The following ZNF454 variants were observed in gnomAD, a reference collection of about 807,000 sequenced individuals.
The protein encoded by ZNF454 is zinc finger protein 454.
In ZNF454, 30 loss-of-function variants were observed where a neutral mutation model predicts 48.2. That is an observed-to-expected ratio of 0.62 (90% CI 0.47 to 0.84). The LOEUF is 0.84. ZNF454 is among the 40% of genes least tolerant of loss of function. The probability of loss-of-function intolerance (pLI) is 0.00; values close to 1 mark genes in which losing one functional copy is unlikely to be tolerated. For missense variants in ZNF454, 510 were observed against 623.1 expected (o/e 0.82, Z 1.93); for synonymous variants, 204 against 211.4 (o/e 0.97, Z 0.30).
chr5:178,967,736 C>CTT (rs1760184573), downstream of ZNF454, among the ~76,000 whole-genome samples: 1 of 67,856 alleles, frequency 1.5e-5, no homozygotes, highest in Non-Finnish European at 3.2e-5. Context: ...TTTTCTTTTT[C>CTT]TTTTTCTTTT....
chr5:178,982,794 A>T, the ZNF454 span: 1 of 747,032 alleles, frequency 1.3e-6, no homozygotes, highest in South Asian at 1.5e-5. Flanking sequence ...GAGTGAATGA[A>T]CAAGCAGCCA....
At position 178,954,310 on chromosome 5, in the gene ZNF454, A is replaced by C. The variant is rs1265368065; in HGVS notation, c.250+7324A>C. Among the ~76,000 whole-genome samples, 4 of 152,014 alleles carry C rather than the reference A, an allele frequency of 2.6e-5. No individual in the cohort carries two copies. In the East Asian group the frequency reaches 7.8e-4, roughly 30 times the overall value. On this transcript the variant is annotated intron_variant, in intron 4 of 4. Coordinates refer to ENST00000519564, the MANE Select transcript of ZNF454 (RefSeq NM_001178089.3). ...TAAAAAAATAAAAATAAATAAGTAA[A>C]ATAAAATTCCTGCCCATTGACTCTA...
intron 4 of ZNF454, among the ~76,000 whole-genome samples, chr5:178,952,192 T>C (rs1365715094): frequency 5.9e-5 from 9 of 152,084 alleles, no homozygotes; most frequent in Non-Finnish European, 7.4e-5. Context: ...CGCCCGCCAC[T>C]GCTCCCGGCT....
At chr5:178,986,531 G>C in the ZNF454 span, 1 of 1,608,260 alleles carries the variant, frequency 6.2e-7, no homozygotes, top group Non-Finnish European at 8.5e-7. Context: ...CGCACCACAG[G>C]TGTGGGGCGG....
chr5:178,985,379 G>A, the ZNF454 span: 1 of 389,390 alleles, frequency 2.6e-6, no homozygotes, highest in Non-Finnish European at 5.0e-6. Context: ...TCACAGGAGG[G>A]GAGGGGCTCC....
the ZNF454 span, chr5:178,978,713 CAT>C: frequency 6.6e-6 from 1 of 152,184 alleles, no homozygotes; most frequent in Non-Finnish European, 1.5e-5. Flanking sequence ...TTCACTGGAA[CAT>C]ATAATTCATA....
intron 1 of ZNF454, chr5:178,942,393 G>A (rs1759137017): frequency 1.8e-5 from 3 of 165,572 alleles, no homozygotes; most frequent in Non-Finnish European, 2.6e-5. Flanking sequence ...GTGACAGAGC[G>A]AGACTCTGTC....
chr5:178,983,289 G>C, the ZNF454 span: 1 of 1,357,536 alleles, frequency 7.4e-7, no homozygotes, highest in South Asian at 1.2e-5. Context: ...CCCTGACAGA[G>C]GCCCCTGCGG....
At chr5:178,971,068 A>G (rs1406844885), downstream of ZNF454, among the ~76,000 whole-genome samples, 2 of 152,232 alleles carry the variant, frequency 1.3e-5, no homozygotes, top group African/African-American at 4.8e-5. Context: ...TCATTCATTT[A>G]ATCCTCACAA....
the ZNF454 span, chr5:178,985,206 A>C: frequency 4.4e-6 from 2 of 452,432 alleles, no homozygotes; most frequent in Non-Finnish European, 8.9e-6. Flanking sequence ...TAGCTCTTTG[A>C]CCTGTTTCCA....
Position 178,964,943 on chromosome 5 carries a change from G to A in ZNF454, c.539G>A (p.Cys180Tyr), listed in dbSNP as rs1458887401. ...GFQPSKNAFE[C>Y]SECGKVFSKS... ...CAACCTAGCAAAAATGCCTTTGAGT[G>A]TAGTGAGTGTGGAAAAGTCTTCTCT... Residue 180 changes from cysteine (C) to tyrosine (Y), a missense_variant, in exon 5 of 5, where the codon TGT (cysteine) becomes TAT (tyrosine). This residue lies in a region of ZNF454 where 354 missense variants were observed against 408.9 expected (regional missense o/e 0.87). Transcript: ENST00000519564. The A allele has an allele frequency of 1.2e-6, 2 of 1,614,090 alleles. No individual in the cohort carries two copies. The highest frequency in any genetic ancestry group is 2.2e-5 in the East Asian group (1 of 44,900).
intron 4 of ZNF454, among the ~76,000 whole-genome samples, chr5:178,947,386 A>G (rs1249569348): frequency 2.0e-5 from 3 of 152,336 alleles, no homozygotes; most frequent in Non-Finnish European, 4.4e-5. Flanking sequence ...GCCAGTTATC[A>G]TGTGCCCACA....
chr5:178,965,681 C>T lies in ZNF454; in HGVS notation c.1277C>T (p.Ala426Val). ...GAGAAAGCCTTTCGGGACCAATCAG[C>T]ACTAGCCCAACATCAGAGAATTCAT... The part of the protein sequence containing the change: ...LCEKAFRDQS[A>V]LAQHQRIHTG... The change falls in exon 5 of 5, where the codon GCA becomes GTA. Residue 426 changes from alanine (A) to valine (V), a missense_variant. This residue lies in a region of ZNF454 where 153 missense variants were observed against 195.8 expected (regional missense o/e 0.78). Transcript: ENST00000519564. This position sits in a 1 kb window ranked among gnomAD's most constrained non-coding sequence, Gnocchi z 5.2. The T allele has an allele frequency of 6.2e-7, 1 of 1,614,108 alleles. No homozygotes were observed. The highest frequency in any genetic ancestry group is 8.5e-7 in the Non-Finnish European group (1 of 1,180,032).
In ZNF454 at chr5:178,965,661, A is replaced by G; in HGVS notation, c.1257A>G (p.Lys419=). 6.2e-7 allele frequency: 1 copy of G among 1,614,208 alleles called. No homozygotes were observed. Among genetic ancestry groups the G allele is most frequent in the Non-Finnish European group, 8.5e-7 (1 of 1,180,038 alleles). The part of the protein sequence containing the change: ...EKPYRCGLCE[K]AFRDQSALAQ... ...CTTACAGATGTGGCTTGTGTGAGAA[A>G]GCCTTTCGGGACCAATCAGCACTAG... is the stretch of plus-strand genomic sequence containing the variant. Residue 419 remains lysine, a synonymous_variant, in exon 5 of 5, where the codon AAA becomes AAG. Transcript: ENST00000519564. This position sits in a 1 kb window ranked among gnomAD's most constrained non-coding sequence, Gnocchi z 5.2.
At chr5:178,968,533 G>A (rs1760198893), downstream of ZNF454, among the ~76,000 whole-genome samples, 2 of 152,206 alleles carry the variant, frequency 1.3e-5, no homozygotes, top group South Asian at 4.1e-4. Context: ...TCCCTATTAA[G>A]CTGCATGTGA....
At chr5:178,986,617 T>C in the ZNF454 span, 1 of 1,603,550 alleles carries the variant, frequency 6.2e-7, no homozygotes, top group South Asian at 1.1e-5. Context: ...CTGGAAGCGG[T>C]ACCCGTCACA....
chr5:178,963,194 T>C (rs1411943083), intron 4 of ZNF454, among the ~76,000 whole-genome samples: 1 of 151,832 alleles, frequency 6.6e-6, no homozygotes, highest in African/African-American at 2.4e-5. Flanking sequence ...TGACATCTGA[T>C]GCCTTCAGAC....
At chr5:178,983,443 G>A in the ZNF454 span, 1 of 696,538 alleles carries the variant, frequency 1.4e-6, no homozygotes, top group Non-Finnish European at 2.6e-6. Flanking sequence ...CCCGTGACCT[G>A]GCAGCTGCGG....
rs775920613 is a variant in ZNF454, at chr5:178,947,026, G to A, written c.250+40G>A. 7.6e-6 allele frequency: 12 copies of A among 1,571,190 alleles called. No individual in the cohort carries two copies. In the South Asian group the frequency reaches 1.2e-4, roughly 16 times the overall value. On this transcript the variant is annotated intron_variant, in intron 4 of 4. Transcript: ENST00000519564. The stretch of plus-strand genomic sequence containing the variant: ...TGTGGGAGACACCGGGAGGAGCCCT[G>A]CTGGGTAGGGAAGGCTCCGTAGGGA...
Sources: gnomAD v4.1 joint callset for allele counts (sites outside exome capture counted in the v4.1 genomes callset) on GRCh38, gnomAD v4.1.1 for gene constraint, gnomAD v4.1.1 regional missense constraint, Gnocchi (gnomAD v3.1) non-coding constraint, MANE v1.5 for transcripts, NCBI Gene and HGNC (gene_info 2026-07-23, HGNC 2026-07-21) for gene names.